The following CDH23 variants were observed in gnomAD, a reference collection of about 807,000 sequenced individuals.
CDH23 encodes cadherin related 23, also known as cadherin-23.
Under a neutral mutation model 317.1 loss-of-function variants are expected in CDH23, and 189 were observed. That is an observed-to-expected ratio of 0.60 (90% CI 0.53 to 0.67). CDH23 has a LOEUF of 0.67. CDH23 is among the 30% of genes least tolerant of loss of function. The probability of loss-of-function intolerance (pLI) is 0.00; values close to 1 mark genes in which losing one functional copy is unlikely to be tolerated. For missense variants in CDH23, 4,401 were observed against 4,592.4 expected (o/e 0.96, Z 1.20); for synonymous variants, 1,839 against 1,876.8 (o/e 0.98, Z 0.52).
intron 38 of CDH23, among the ~76,000 whole-genome samples, chr10:71,774,960 A>G (rs1258246385): frequency 6.6e-6 from 1 of 152,130 alleles, no homozygotes; most frequent in Non-Finnish European, 1.5e-5. Context: ...GCTACAACAG[A>G]GGAAGGCTGA....
chr10:71,809,764 TG>T (rs1841856764), intron 60 of CDH23, 55 bp from the exon 61 acceptor site: 15 of 1,582,642 alleles, frequency 9.5e-6, no homozygotes, highest in Non-Finnish European at 9.5e-6. Flanking sequence ...TGCCCCTTCC[TG>T]GGGATTCGGG....
chr10:71,545,233 G>A (rs1478203013), intron 6 of CDH23, among the ~76,000 whole-genome samples: 1 of 152,132 alleles, frequency 6.6e-6, no homozygotes, highest in Non-Finnish European at 1.5e-5. Flanking sequence ...GTGATATTGA[G>A]ACAGGCACCG....
At chr10:71,408,537 T>A (rs748830824) in intron 1 of CDH23, among the ~76,000 whole-genome samples, 3 of 152,110 alleles carry the variant, frequency 2.0e-5, no homozygotes, top group Non-Finnish European at 4.4e-5. Context: ...TACCATGGGA[T>A]GGCTACATCC....
At chr10:71,792,447 T>C (rs1277509894) in intron 47 of CDH23, among the ~76,000 whole-genome samples, 1 of 152,146 alleles carries the variant, frequency 6.6e-6, no homozygotes, top group African/African-American at 2.4e-5. Flanking sequence ...GGAAAAATAT[T>C]AAATTTCTAT....
chr10:71,437,213 G>C (rs548056972), intron 1 of CDH23, among the ~76,000 whole-genome samples: 1 of 152,156 alleles, frequency 6.6e-6, no homozygotes, highest in Non-Finnish European at 1.5e-5. Context: ...ATATGGCAGC[G>C]TCTAGTAAAA....
intron 1 of CDH23, among the ~76,000 whole-genome samples, chr10:71,439,398 G>A (rs1211657786): frequency 6.6e-6 from 1 of 152,234 alleles, no homozygotes; most frequent in Non-Finnish European, 1.5e-5. Flanking sequence ...TTCCCGGTCA[G>A]TGCCCATCTC....
At chr10:71,798,318 C>G in intron 49 of CDH23, 36 bp from the exon 50 acceptor site, 12 of 1,510,382 alleles carry the variant, frequency 7.9e-6, no homozygotes, top group African/African-American at 1.4e-5. Flanking sequence ...ACACTAGTGT[C>G]CTTCCCCTCT....
At chr10:71,579,581 C>T (rs1318301039) in intron 9 of CDH23, among the ~76,000 whole-genome samples, 1 of 152,170 alleles carries the variant, frequency 6.6e-6, no homozygotes, top group South Asian at 2.1e-4. Context: ...TTCTGGAGGT[C>T]TGGGATGGGC....
chr10:71,438,095 C>T (rs1417681281), intron 1 of CDH23, among the ~76,000 whole-genome samples: 1 of 152,118 alleles, frequency 6.6e-6, no homozygotes, highest in Non-Finnish European at 1.5e-5. Context: ...AATCCCAGCA[C>T]TTTGGGAGGC....
At chr10:71,429,807 G>C (rs10762444) in intron 1 of CDH23, among the ~76,000 whole-genome samples, 1 of 151,968 alleles carries the variant, frequency 6.6e-6, no homozygotes, top group African/African-American at 2.4e-5. Flanking sequence ...ACATGCTGGT[G>C]GGCAAATGGC....
At position 71,759,846 on chromosome 10, in the gene CDH23, C is replaced by CACACATACACACACACACACAT. The variant is rs776230069; in HGVS notation, c.4846-17833_4846-17832insCACATACACACACACACACATA. Among the ~76,000 whole-genome samples, 13 of 59,964 alleles carry CACACATACACACACACACACAT rather than the reference C, an allele frequency of 2.2e-4. 3 individuals carry two copies. In the East Asian group the frequency reaches 9.0e-3, roughly 41 times the overall value. 39.3% of individuals were successfully genotyped at this position (59,964 alleles called of 152,430 possible). On this transcript the variant is annotated intron_variant, in intron 38 of 69. Transcript: ENST00000224721. ...ACACACACACACACACACACACACA[C>CACACATACACACACACACACAT]ATATACACACACACACACATATATA...
intron 8 of CDH23, among the ~76,000 whole-genome samples, chr10:71,573,569 C>T (rs1857962135): frequency 6.6e-6 from 1 of 152,230 alleles, no homozygotes; most frequent in South Asian, 2.1e-4. Context: ...TTCCGGTCTC[C>T]TGATGCTCCA....
intron 9 of CDH23, 70 bp from the exon 10 acceptor site, chr10:71,615,434 C>A: frequency 1.9e-6 from 2 of 1,028,680 alleles, no homozygotes; most frequent in South Asian, 2.6e-5. Context: ...AGCTCCATGC[C>A]CCCCTGCCCC....
chr10:71,807,920 A>G lies in CDH23; in HGVS notation c.8635A>G (p.Ser2879Gly), dbSNP rs761319955. 1.2e-6 allele frequency: 2 copies of G among 1,604,626 alleles called. No homozygotes were observed. The highest frequency in any genetic ancestry group is 2.2e-5 in the South Asian group (2 of 89,152). The change falls in exon 60 of 70, where the codon AGC becomes GGC. Residue 2879 changes from serine (S) to glycine (G), a missense_variant. This residue lies in a region of CDH23 where 1,144 missense variants were observed against 1,138.2 expected (regional missense o/e 1.01). Coordinates refer to ENST00000224721, the MANE Select transcript of CDH23 (RefSeq NM_022124.6). Reference sequence around the variant, plus strand: ...CCTGGATGCAGACATTGGCAACAACAGCCTTGTCTTCTACAGCATTCTGGC... The same window carrying G: ...CCTGGATGCAGACATTGGCAACAACGGCCTTGTCTTCTACAGCATTCTGGC... Reference protein sequence around the residue: ...LALDADIGNNSLVFYSILAIH... With the variant: ...LALDADIGNNGLVFYSILAIH...
intron 26 of CDH23, 105 bp downstream of exon 26, chr10:71,707,154 G>T (rs761033513): frequency 6.5e-6 from 10 of 1,548,000 alleles, no homozygotes; most frequent in Non-Finnish European, 8.7e-6. Flanking sequence ...GGGTGGAAAA[G>T]AGGTCAGGGC....
intron 37 of CDH23, 70 bp downstream of exon 37, chr10:71,741,020 C>T: frequency 1.9e-6 from 3 of 1,578,496 alleles, no homozygotes; most frequent in Non-Finnish European, 2.6e-6. Context: ...AACCATGCAG[C>T]CCCTGTTTAA....
Position 71,677,737 on chromosome 10 carries a change from C to T in CDH23, c.1752+44C>T, listed in dbSNP as rs1422847704. ...CTGCACTCCTGCCATTTATCTTAGC[C>T]TTCTCCCTGTACTTGCTTGCTTGCT... On this transcript the variant is annotated intron_variant, in intron 16 of 69. Coordinates refer to ENST00000224721, the MANE Select transcript of CDH23 (RefSeq NM_022124.6). 1.2e-5 allele frequency: 18 copies of T among 1,450,474 alleles called. No homozygotes were observed. In the South Asian group the frequency reaches 2.1e-4, roughly 17 times the overall value. 89.9% of individuals were successfully genotyped at this position (1,450,474 alleles called of 1,614,324 possible).
At chr10:71,739,072 C>T (rs1219346919) in intron 35 of CDH23, among the ~76,000 whole-genome samples, 1 of 152,190 alleles carries the variant, frequency 6.6e-6, no homozygotes, top group Admixed American at 6.5e-5. Flanking sequence ...AGTGTTCACA[C>T]AGCTTTCATC....
In CDH23 at chr10:71,753,096, G is replaced by A. The variant is rs114762370; in HGVS notation, c.4845+11175G>A. 618 of 1,479,206 alleles carry A rather than the reference G, an allele frequency of 4.2e-4. 1 individual carries two copies. The African/African-American group carries it at 7.9e-3, about 19-fold the overall frequency. The allele number at this position is 1,479,206 out of a possible 1,614,324, so 91.6% of individuals were successfully genotyped here. A position where few individuals can be genotyped will look rare whatever the true frequency, so the allele number is the denominator to read the frequency against. On this transcript the variant is annotated intron_variant, in intron 38 of 69. Transcript: ENST00000224721. ...GCTGGCAGATGCCCTGCAGGGAACAGGAGCGAGCCCAGGAGGGCCCTGCAC... is the reference window on the plus strand; with the variant it reads ...GCTGGCAGATGCCCTGCAGGGAACAAGAGCGAGCCCAGGAGGGCCCTGCAC...
Sources: allele counts gnomAD v4.1 joint callset (sites outside exome capture counted in the v4.1 genomes callset), GRCh38; gene constraint gnomAD v4.1.1; regional missense constraint gnomAD v4.1.1; transcripts MANE v1.5; gene names NCBI Gene and HGNC (gene_info 2026-07-23, HGNC 2026-07-21).